Variants in ABI3BP observed in about 807,000 individuals in gnomAD.
ABI3BP encodes ABI family member 3 binding protein.
Under a neutral mutation model 268.6 loss-of-function variants are expected in ABI3BP, and 216 were observed. That is an observed-to-expected ratio of 0.80 (90% CI 0.72 to 0.90). The LOEUF (loss-of-function observed/expected upper bound fraction) is 0.90. ABI3BP is among the 40% of genes least tolerant of loss of function. The probability of loss-of-function intolerance (pLI) is 0.00; values close to 1 mark genes in which losing one functional copy is unlikely to be tolerated. For synonymous variants in ABI3BP, 730 were observed against 730.0 expected (o/e 1.00, Z 0.00); for missense variants, 2,090 against 2,182.4 (o/e 0.96, Z 0.84).
chr3:100,875,619 TAGG>T, intron 7 of ABI3BP, 40 bp from the exon 8 acceptor site: 1 of 1,415,648 alleles, frequency 7.1e-7, no homozygotes, highest in South Asian at 1.2e-5. Context: ...GGGTGGGAAA[TAGG>T]AGGCAGTAAG....
chr3:100,956,461 C>A (rs1355504385), intron 1 of ABI3BP, among the ~76,000 whole-genome samples: 1 of 152,158 alleles, frequency 6.6e-6, no homozygotes, highest in East Asian at 1.9e-4. Flanking sequence ...TGGTGCCAGA[C>A]CCTCCAACTC....
chr3:100,870,706 A>G (rs143741533), intron 9 of ABI3BP, among the ~76,000 whole-genome samples: 2 of 152,358 alleles, frequency 1.3e-5, no homozygotes, highest in Non-Finnish European at 2.9e-5. Context: ...CATACGTCCA[A>G]AGGAAATGAA....
At chr3:100,785,702 T>C (rs535620207) in intron 57 of ABI3BP, among the ~76,000 whole-genome samples, 52 of 152,300 alleles carry the variant, frequency 3.4e-4, no homozygotes, top group Middle Eastern at 3.4e-3. Flanking sequence ...ACAGTGTTAG[T>C]TGCAGCTTTT....
At position 100,765,952 on chromosome 3, in the gene ABI3BP, G is replaced by A. The variant is rs765933493; in HGVS notation, c.4742-3C>T. Reference sequence around the variant, plus strand: ...TTCTCTGGATATAACTTCATATTCTGTAAAGCGAAAGAAGCCAACAGATAC... The same window carrying A: ...TTCTCTGGATATAACTTCATATTCTATAAAGCGAAAGAAGCCAACAGATAC... On this transcript the variant is annotated splice_region_variant and splice_polypyrimidine_tract_variant and intron_variant, in intron 62 of 67. Coordinates refer to ENST00000471714, the MANE Select transcript of ABI3BP (RefSeq NM_001375547.2). The A allele has an allele frequency of 6.3e-7, 1 of 1,598,472 alleles. No homozygotes were observed. Among genetic ancestry groups the A allele is most frequent in the East Asian group, 2.2e-5 (1 of 44,744 alleles).
intron 54 of ABI3BP, among the ~76,000 whole-genome samples, chr3:100,793,794 C>T (rs2152118935): frequency 6.6e-6 from 1 of 152,018 alleles, no homozygotes; most frequent in South Asian, 2.1e-4. Context: ...TAAACAAAGC[C>T]ATATGGGATG....
At chr3:100,941,226 C>T (rs2069064543) in intron 1 of ABI3BP, among the ~76,000 whole-genome samples, 1 of 151,862 alleles carries the variant, frequency 6.6e-6, no homozygotes, top group South Asian at 2.1e-4. Flanking sequence ...CAGCACGTTC[C>T]CTCTCCAAGA....
intron 57 of ABI3BP, among the ~76,000 whole-genome samples, chr3:100,785,098 G>C (rs2096989328): frequency 6.6e-6 from 1 of 152,062 alleles, no homozygotes; most frequent in African/African-American, 2.4e-5. Flanking sequence ...ATGTCCTATA[G>C]ATCACAAACA....
intron 66 of ABI3BP, 61 bp downstream of exon 66, chr3:100,752,726 C>T: frequency 2.6e-6 from 4 of 1,566,892 alleles, no homozygotes; most frequent in South Asian, 1.2e-5. Flanking sequence ...CCAAGTTGTA[C>T]AATGCTGCAA....
chr3:100,808,412 A>G (rs1034043175), intron 49 of ABI3BP, among the ~76,000 whole-genome samples, 177 bp from the exon 50 acceptor site: 9 of 152,074 alleles, frequency 5.9e-5, no homozygotes, highest in African/African-American at 1.4e-4. Flanking sequence ...AGAAAACAAA[A>G]CAAAAAGTCA....
At chr3:100,942,515 C>T (rs530688000) in intron 1 of ABI3BP, among the ~76,000 whole-genome samples, 15 of 152,086 alleles carry the variant, frequency 9.9e-5, no homozygotes, top group African/African-American at 3.4e-4. Context: ...AAAAGTAACC[C>T]GATAGGCTAA....
rs2098452512 is a variant in ABI3BP, at chr3:100,829,756, A to T, written c.2459-92T>A. 2.9e-6 allele frequency: 3 copies of T among 1,024,208 alleles called. No homozygotes were observed. The African/African-American group carries it at 4.8e-5, about 16-fold the overall frequency. The allele number at this position is 1,024,208 out of a possible 1,614,324, so 63.4% of individuals were successfully genotyped here. On this transcript the variant is annotated intron_variant, in intron 32 of 67. Coordinates refer to ENST00000471714, the MANE Select transcript of ABI3BP (RefSeq NM_001375547.2). ...TTGTTATAATTTCTTGACTTCCAAG[A>T]AATGTTTCTTTTGGGTTTGAAATAT...
rs372254920 is a variant in ABI3BP, at chr3:100,789,410, TC to T, written c.4087+43del. ...GGCTATTTCAGTCCATTTCATATCT[TC>T]CCCTGCCTGCTGATTATTTAAGTCA... On this transcript the variant is annotated intron_variant, in intron 56 of 67. Transcript: ENST00000471714. The T allele has an allele frequency of 1.8e-4, 286 of 1,561,674 alleles. 2 individuals carry two copies. In the African/African-American group the frequency reaches 3.5e-3, roughly 19 times the overall value.
rs2098806734 is a variant in ABI3BP, at chr3:100,848,880, A to G, written c.1502-5T>C. Reference sequence around the variant, plus strand: ...TAGATGTAGTTTGCTGGGGAGCTGAAAGAAGATTTAATATAGCTTTGATAA... The same window carrying G: ...TAGATGTAGTTTGCTGGGGAGCTGAGAGAAGATTTAATATAGCTTTGATAA... On this transcript the variant is annotated splice_region_variant and splice_polypyrimidine_tract_variant and intron_variant, in intron 17 of 67. Coordinates refer to ENST00000471714, the MANE Select transcript of ABI3BP (RefSeq NM_001375547.2). 6.2e-7 allele frequency: 1 copy of G among 1,611,910 alleles called. No individual in the cohort carries two copies. Among genetic ancestry groups the G allele is most frequent in the African/African-American group, 1.3e-5 (1 of 74,970 alleles).
In ABI3BP at chr3:100,749,884, T is replaced by TGTGGATGTTTAAAGGAAATGTATATTAGC. The variant is rs1333174055; in HGVS notation, c.*582_*610dup. 3 of 395,500 alleles carry TGTGGATGTTTAAAGGAAATGTATATTAGC rather than the reference T, an allele frequency of 7.6e-6. No individual in the cohort carries two copies. The highest frequency in any genetic ancestry group is 1.3e-5 in the Non-Finnish European group (3 of 224,514). 24.5% of individuals were successfully genotyped at this position (395,500 alleles called of 1,614,324 possible). On this transcript the variant is annotated 3_prime_UTR_variant, in exon 68 of 68. Transcript: ENST00000471714. Reference sequence around the variant, plus strand: ...TACTGATTCAATCTTTTTAAGAATTTGTGGATGTTTAAAGGAAATGTATAT... The same window carrying TGTGGATGTTTAAAGGAAATGTATATTAGC: ...TACTGATTCAATCTTTTTAAGAATTTGTGGATGTTTAAAGGAAATGTATATTAGCGTGGATGTTTAAAGGAAATGTATAT...
In ABI3BP at chr3:100,811,243, AGGT is replaced by A. The variant is rs2097854974; in HGVS notation, c.3525_3527del (p.Pro1176del). On this transcript the variant is annotated inframe_deletion, in exon 48 of 68. Coordinates refer to ENST00000471714, the MANE Select transcript of ABI3BP (RefSeq NM_001375547.2). ...CGAGGTTATTACCTAGTGTGGTCTC[AGGT>A]GGTTCAGATACATATGTAATAGATT... 6 of 1,533,258 alleles carry A rather than the reference AGGT, an allele frequency of 3.9e-6. No homozygotes were observed. The highest frequency in any genetic ancestry group is 5.2e-6 in the Non-Finnish European group (6 of 1,145,362). The allele number at this position is 1,533,258 out of a possible 1,614,324, so 95.0% of individuals were successfully genotyped here. A position where few individuals can be genotyped will look rare whatever the true frequency, so the allele number is the denominator to read the frequency against.
chr3:100,917,775 T>C (rs539079103), intron 2 of ABI3BP, among the ~76,000 whole-genome samples: 11 of 152,304 alleles, frequency 7.2e-5, no homozygotes, highest in African/African-American at 2.6e-4. Context: ...ATAGACTTGG[T>C]GACAGTTTAT....
intron 41 of ABI3BP, 69 bp downstream of exon 41, chr3:100,818,456 A>G: frequency 2.3e-6 from 3 of 1,293,604 alleles, no homozygotes; most frequent in Non-Finnish European, 3.2e-6. Flanking sequence ...ATGATGAAGA[A>G]GAAACTGACT....
At chr3:100,853,585 T>C (rs963019256) in intron 14 of ABI3BP, among the ~76,000 whole-genome samples, 8 of 152,218 alleles carry the variant, frequency 5.3e-5, no homozygotes, top group South Asian at 2.1e-4. Flanking sequence ...CTCCTAAAGC[T>C]CCCTTCCATT....
chr3:100,888,857 A>G (rs2043168514), intron 4 of ABI3BP, among the ~76,000 whole-genome samples: 2 of 150,090 alleles, frequency 1.3e-5, no homozygotes, highest in South Asian at 4.2e-4. Flanking sequence ...CCACTTAACT[A>G]TACTTAAAGT....
Sources: gnomAD v4.1 joint callset for allele counts (sites outside exome capture counted in the v4.1 genomes callset) on GRCh38, gnomAD v4.1.1 for gene constraint, MANE v1.5 for transcripts, NCBI Gene and HGNC (gene_info 2026-07-23, HGNC 2026-07-21) for gene names.